Variants in RYR2 observed in about 807,000 individuals in gnomAD.
The protein encoded by RYR2 is cardiac muscle ryanodine receptor-calcium release channel.
RYR2 carries 227 observed loss-of-function variants against 601.1 expected under a neutral mutation model. The ratio of observed to expected loss-of-function variants is 0.38; its 90% CI spans 0.34 to 0.42. The LOEUF (loss-of-function observed/expected upper bound fraction) is 0.42, where lower values mean the gene tolerates loss of function less well. Ranked by LOEUF, RYR2 falls within the 10% of genes least tolerant of loss-of-function variation. The pLI, the probability that RYR2 is intolerant of heterozygous loss-of-function variation, is 1.00. For synonymous variants in RYR2, 2,223 were observed against 2,175.1 expected (o/e 1.02, Z -0.61); for missense variants, 4,646 against 6,156.5 (o/e 0.75, Z 8.21).
chr1:237,406,205 C>T lies in RYR2; in HGVS notation c.774-10844C>T, dbSNP rs1361737712. On this transcript the variant is annotated intron_variant, in intron 10 of 104. Transcript: ENST00000366574. ...CTCCCCTCCCCTTCCCTTCCCTCCC[C>T]TCCCTTCCCCTCCCCTCCCCTCCCC... Among the ~76,000 whole-genome samples, 12 of 87,992 alleles carry T rather than the reference C, an allele frequency of 1.4e-4. No individual in the cohort carries two copies. The South Asian group carries it at 6.0e-3, about 44-fold the overall frequency. The allele number at this position is 87,992 out of a possible 152,430, so 57.7% of individuals were successfully genotyped here.
chr1:237,797,973 C>T, intron 96 of RYR2, 64 bp from the exon 97 acceptor site: 2 of 1,391,396 alleles, frequency 1.4e-6, no homozygotes, highest in Admixed American at 2.4e-5. Context: ...ATGTTTTATA[C>T]ACACATATAG....
intron 3 of RYR2, 61 bp downstream of exon 3, chr1:237,331,043 A>G (rs1408071587): frequency 1.5e-6 from 2 of 1,350,198 alleles, no homozygotes; most frequent in Admixed American, 3.4e-5. Flanking sequence ...TATAGGAACA[A>G]TTTCTTTCAC....
chr1:237,432,606 G>A (rs1039492364), intron 12 of RYR2, among the ~76,000 whole-genome samples: 5 of 152,128 alleles, frequency 3.3e-5, no homozygotes, highest in Non-Finnish European at 7.4e-5. Context: ...ATCATGGTTA[G>A]TGTCTTTCCA....
At chr1:237,619,562 GA>G (rs1201013898) in intron 38 of RYR2, among the ~76,000 whole-genome samples, 1 of 152,052 alleles carries the variant, frequency 6.6e-6, no homozygotes, top group Non-Finnish European at 1.5e-5. Flanking sequence ...GTGAACTGAA[GA>G]AAATAATGCT....
At chr1:237,634,841 A>G (rs1041303862) in intron 43 of RYR2, 48 bp from the exon 44 acceptor site, 1 of 1,408,910 alleles carries the variant, frequency 7.1e-7, no homozygotes, top group African/African-American at 1.4e-5. Context: ...TGGAGTTTAT[A>G]GTTACAGCAC....
rs1553264982 is a variant in RYR2, at chr1:237,641,485, C to CTTTCTTTCTTTCTTTCTT, written c.7221+485_7221+502dup. 4.7e-3 allele frequency among the ~76,000 whole-genome samples: 336 copies of CTTTCTTTCTTTCTTTCTT among 72,246 alleles called. 3 individuals carry two copies. The highest frequency in any genetic ancestry group is 0.045 in the East Asian group (135 of 3,000). 47.4% of individuals were successfully genotyped at this position (72,246 alleles called of 152,430 possible). ...AGTGTCTGTCTGTCTTTCTTTCTTT[C>CTTTCTTTCTTTCTTTCTT]TTTCTTTCTTTCTTTCTTTCTTTCT... On this transcript the variant is annotated intron_variant, in intron 47 of 104. Coordinates refer to ENST00000366574, the MANE Select transcript of RYR2 (RefSeq NM_001035.3).
chr1:237,077,842 C>T lies in RYR2; in HGVS notation c.48+35273C>T, dbSNP rs1210716447. On this transcript the variant is annotated intron_variant, in intron 1 of 104. Coordinates refer to ENST00000366574, the MANE Select transcript of RYR2 (RefSeq NM_001035.3). ...ATATACATTTTTTTCAGCACCACAC[C>T]ACACCTATTCCAAAATTGGCCACAT... 1.9e-4 allele frequency among the ~76,000 whole-genome samples: 29 copies of T among 150,376 alleles called. No homozygotes were observed. The South Asian group carries it at 4.9e-3, about 25-fold the overall frequency.
chr1:237,731,934 G>A (rs2149167180), intron 77 of RYR2, 112 bp from the exon 78 acceptor site: 4 of 511,590 alleles, frequency 7.8e-6, no homozygotes, highest in Non-Finnish European at 1.4e-5. Context: ...CAACAGGGAA[G>A]GAGGAACGTT....
At chr1:237,620,226 A>G (rs981235956) in intron 38 of RYR2, among the ~76,000 whole-genome samples, 5 of 152,294 alleles carry the variant, frequency 3.3e-5, no homozygotes, top group Admixed American at 3.3e-4. Flanking sequence ...CTCAAACTGA[A>G]GTCTACTGGT....
chr1:237,683,534 G>T (rs971971366), intron 62 of RYR2, among the ~76,000 whole-genome samples: 1 of 152,158 alleles, frequency 6.6e-6, no homozygotes, highest in Non-Finnish European at 1.5e-5. Flanking sequence ...CAACTTGTAG[G>T]TCAGAGATTA....
intron 63 of RYR2, among the ~76,000 whole-genome samples, chr1:237,695,019 A>G (rs1573553519): frequency 6.6e-6 from 1 of 152,224 alleles, no homozygotes; most frequent in African/African-American, 2.4e-5. Context: ...CACTGTTTCC[A>G]GAAGAGAGAG....
At chr1:237,425,761 C>A (rs1213756065) in intron 12 of RYR2, among the ~76,000 whole-genome samples, 4 of 151,874 alleles carry the variant, frequency 2.6e-5, no homozygotes, top group Non-Finnish European at 4.4e-5. Flanking sequence ...AGAAGAGGGG[C>A]TGGTCTTGTT....
chr1:237,355,937 T>C, intron 3 of RYR2, 28 bp from the exon 4 acceptor site: 1 of 1,584,644 alleles, frequency 6.3e-7, no homozygotes, highest in South Asian at 1.1e-5. Context: ...GTTTGTTTGT[T>C]ATTTATTTTG....
chr1:237,321,232 T>A (rs1695600038), intron 2 of RYR2, among the ~76,000 whole-genome samples: 1 of 151,056 alleles, frequency 6.6e-6, no homozygotes, highest in South Asian at 2.1e-4. Flanking sequence ...CCTTAAAAAG[T>A]GATATAGCTA....
chr1:237,759,810 T>C lies in RYR2; in HGVS notation c.11360T>C (p.Val3787Ala), dbSNP rs1693266671. 1 of 1,613,378 alleles carries C rather than the reference T, an allele frequency of 6.2e-7. No individual in the cohort carries two copies. The highest frequency in any genetic ancestry group is 8.5e-7 in the Non-Finnish European group (1 of 1,179,456). Residue 3787 changes from valine to alanine, a missense_variant, in exon 83 of 105, where the codon GTG (valine) becomes GCG (alanine). Transcript: ENST00000366574. ...GACTACCTCAAGGAGAAAAAGGATG[T>C]GGGCTTCTTTCAGAGCCTGGCCGGC... ...MLDYLKEKKD[V>A]GFFQSLAGLM...
chr1:237,658,759 C>A (rs1014710533), intron 54 of RYR2, among the ~76,000 whole-genome samples: 1 of 152,094 alleles, frequency 6.6e-6, no homozygotes, highest in African/African-American at 2.4e-5. Flanking sequence ...CAGGATTTAA[C>A]AATTATTTAC....
At chr1:237,539,512 C>T (rs10925452) in intron 25 of RYR2, among the ~76,000 whole-genome samples, 33,404 of 152,040 alleles carry the variant, frequency 0.22, 3,790 homozygotes, top group Admixed American at 0.31. Context: ...TGCTATATTC[C>T]CTATTAAAAA....
intron 88 of RYR2, among the ~76,000 whole-genome samples, chr1:237,780,894 G>T (rs1465198637): frequency 6.6e-6 from 1 of 152,234 alleles, no homozygotes; most frequent in Non-Finnish European, 1.5e-5. Flanking sequence ...CCTAGAAGAA[G>T]TTAGAAAGTT....
chr1:237,671,450 C>T (rs1429919494), intron 58 of RYR2, among the ~76,000 whole-genome samples: 3 of 151,410 alleles, frequency 2.0e-5, no homozygotes, highest in Non-Finnish European at 2.9e-5. Context: ...CTCCCACTGC[C>T]GATAAGAGGT....
Sources: gnomAD v4.1 joint callset for allele counts (sites outside exome capture counted in the v4.1 genomes callset) on GRCh38, gnomAD v4.1.1 for gene constraint, MANE v1.5 for transcripts, NCBI Gene and HGNC (gene_info 2026-07-23, HGNC 2026-07-21) for gene names.